The following OSBPL8 variants were observed in gnomAD, a reference collection of about 807,000 sequenced individuals.
OSBPL8 encodes the protein oxysterol-binding protein-related protein 8.
OSBPL8 carries 59 observed loss-of-function variants against 125.5 expected under a neutral mutation model. The ratio of observed to expected loss-of-function variants is 0.47; its 90% CI spans 0.38 to 0.58. OSBPL8 has a LOEUF of 0.58. OSBPL8 is among the 20% of genes least tolerant of loss of function. The pLI is 0.00. For missense variants in OSBPL8, 758 were observed against 1,047.8 expected (o/e 0.72, Z 3.82); for synonymous variants, 330 against 338.9 (o/e 0.97, Z 0.29).
chr12:76,374,876 G>C (rs529224585), intron 17 of OSBPL8, among the ~76,000 whole-genome samples: 1 of 152,202 alleles, frequency 6.6e-6, no homozygotes, highest in East Asian at 1.9e-4. Flanking sequence ...CAGAAATAGT[G>C]ACTAATACAA....
intron 9 of OSBPL8, among the ~76,000 whole-genome samples, chr12:76,393,975 G>A (rs992683646): frequency 6.6e-5 from 10 of 152,034 alleles, no homozygotes; most frequent in Non-Finnish European, 1.0e-4. Context: ...AGCCGAGATC[G>A]TGCCACTGCA....
At chr12:76,557,157 G>A (rs1482198968) in intron 1 of OSBPL8, among the ~76,000 whole-genome samples, 1 of 152,126 alleles carries the variant, frequency 6.6e-6, no homozygotes, top group Non-Finnish European at 1.5e-5. Context: ...ATAATATTAG[G>A]ATAAAAGTTT....
intron 4 of OSBPL8, among the ~76,000 whole-genome samples, chr12:76,444,571 T>C (rs1285963377): frequency 6.6e-6 from 1 of 152,196 alleles, no homozygotes; most frequent in African/African-American, 2.4e-5. Context: ...GGGTCCACGA[T>C]GATGAGAAAC....
At chr12:76,500,149 C>G (rs1349146550) in intron 1 of OSBPL8, among the ~76,000 whole-genome samples, 1 of 152,170 alleles carries the variant, frequency 6.6e-6, no homozygotes, top group Non-Finnish European at 1.5e-5. Flanking sequence ...AGATTTAAGT[C>G]CAAATCTTGC....
intron 4 of OSBPL8, among the ~76,000 whole-genome samples, chr12:76,431,295 G>GAA (rs71311106): frequency 3.6e-4 from 50 of 140,438 alleles, no homozygotes; most frequent in Non-Finnish European, 5.1e-4. Context: ...GCCAAAAAAA[G>GAA]AAAAAAAAAC....
chr12:76,480,545 G>A (rs1877361621), intron 2 of OSBPL8, among the ~76,000 whole-genome samples: 1 of 152,202 alleles, frequency 6.6e-6, no homozygotes, highest in Non-Finnish European at 1.5e-5. Context: ...GCAAGCAGCT[G>A]TTGGGAAGAT....
At chr12:76,501,778 G>C (rs1879925528) in intron 1 of OSBPL8, among the ~76,000 whole-genome samples, 1 of 152,230 alleles carries the variant, frequency 6.6e-6, no homozygotes, top group Admixed American at 6.5e-5. Context: ...GCATCACTGT[G>C]GAGGGTCATT....
intron 4 of OSBPL8, among the ~76,000 whole-genome samples, chr12:76,426,543 C>T (rs1045321380): frequency 6.6e-6 from 1 of 152,060 alleles, no homozygotes; most frequent in Non-Finnish European, 1.5e-5. Context: ...ACGTAGAAGG[C>T]ATGTAAAGGG....
chr12:76,527,161 T>A (rs1291816005), intron 1 of OSBPL8, among the ~76,000 whole-genome samples: 2 of 151,200 alleles, frequency 1.3e-5, no homozygotes, highest in Admixed American at 6.6e-5. Context: ...TGCAAAAGAA[T>A]GTAAGGTATA....
intron 1 of OSBPL8, among the ~76,000 whole-genome samples, chr12:76,550,843 G>A (rs1006071249): frequency 5.9e-5 from 9 of 152,168 alleles, no homozygotes; most frequent in African/African-American, 1.9e-4. Flanking sequence ...GTTCATGCCT[G>A]TAATCCCAAC....
At position 76,496,622 on chromosome 12, in the gene OSBPL8, C is replaced by T. The variant is rs112184853; in HGVS notation, c.-67-9004G>A. Among the ~76,000 whole-genome samples, 806 of 152,078 alleles carry T rather than the reference C, an allele frequency of 5.3e-3. 4 individuals carry two copies. Among genetic ancestry groups the T allele is most frequent in the Non-Finnish European group, 8.2e-3 (555 of 67,974 alleles). On this transcript the variant is annotated intron_variant, in intron 1 of 23. Coordinates refer to ENST00000261183, the MANE Select transcript of OSBPL8 (RefSeq NM_020841.5). ...ATGGCAGGATCTCAGCTCACTGCAACCTCCGCTTTCCAGGTTCAAGTGATT... is the reference window on the plus strand; with the variant it reads ...ATGGCAGGATCTCAGCTCACTGCAATCTCCGCTTTCCAGGTTCAAGTGATT...
intron 3 of OSBPL8, among the ~76,000 whole-genome samples, chr12:76,458,142 C>T (rs375636491): frequency 6.6e-6 from 1 of 151,896 alleles, no homozygotes; most frequent in Non-Finnish European, 1.5e-5. Flanking sequence ...TAGCTGGGCA[C>T]ACGCTTGTAG....
chr12:76,457,895 T>C (rs937575082), intron 3 of OSBPL8, among the ~76,000 whole-genome samples: 1 of 152,118 alleles, frequency 6.6e-6, no homozygotes, highest in Non-Finnish European at 1.5e-5. Context: ...TCTAAATATA[T>C]GAGGTAATTA....
chr12:76,548,310 T>C (rs868115662), intron 1 of OSBPL8, among the ~76,000 whole-genome samples: 2 of 152,092 alleles, frequency 1.3e-5, no homozygotes, highest in Non-Finnish European at 2.9e-5. Context: ...CATTATAACC[T>C]TTAAGAGTGA....
At chr12:76,473,892 A>G (rs960657203) in intron 2 of OSBPL8, among the ~76,000 whole-genome samples, 4 of 152,156 alleles carry the variant, frequency 2.6e-5, no homozygotes, top group African/African-American at 9.7e-5. Context: ...TTGTAATTCT[A>G]TCTATCTCAT....
chr12:76,499,357 CT>C (rs371060806), intron 1 of OSBPL8, among the ~76,000 whole-genome samples: 5 of 116,668 alleles, frequency 4.3e-5, no homozygotes, highest in Non-Finnish European at 9.4e-5. Flanking sequence ...TATCATCTAT[CT>C]ATCTATCTAA....
intron 4 of OSBPL8, among the ~76,000 whole-genome samples, chr12:76,426,996 C>T (rs1056614710): frequency 1.3e-5 from 2 of 152,052 alleles, no homozygotes; most frequent in East Asian, 1.9e-4. Context: ...ATGTAATCAC[C>T]GGTGTTTAAT....
intron 1 of OSBPL8, among the ~76,000 whole-genome samples, chr12:76,539,184 T>A (rs1300402427): frequency 2.0e-5 from 3 of 152,058 alleles, no homozygotes; most frequent in Non-Finnish European, 2.9e-5. Flanking sequence ...TCAACTTTTT[T>A]AAAAGTAAAT....
chr12:76,466,365 G>A (rs1017241845), intron 2 of OSBPL8, among the ~76,000 whole-genome samples: 2 of 152,148 alleles, frequency 1.3e-5, no homozygotes, highest in African/African-American at 4.8e-5. Context: ...AGTATAGTGG[G>A]AAGTACATTT....
Sources: allele counts gnomAD v4.1 joint callset (sites outside exome capture counted in the v4.1 genomes callset), GRCh38; gene constraint gnomAD v4.1.1; transcripts MANE v1.5; gene names NCBI Gene and HGNC (gene_info 2026-07-23, HGNC 2026-07-21).